Variants in DIAPH3 observed in about 807,000 individuals in gnomAD.
DIAPH3 encodes the protein protein diaphanous homolog 3.
A neutral mutation model predicts 144.3 loss-of-function variants in DIAPH3; 117 were observed. The observed-to-expected ratio is 0.81, with a 90% confidence interval of 0.70 to 0.95. The LOEUF is 0.95. Among genes scored for constraint, DIAPH3 ranks in the 40% least tolerant of loss-of-function variants. The pLI is 0.00. For missense variants in DIAPH3, 1,421 were observed against 1,412.7 expected, an observed-to-expected ratio of 1.01 and a Z score of -0.09; for synonymous variants, 519 against 488.9, an observed-to-expected ratio of 1.06 and a Z score of -0.81.
intron 7 of DIAPH3, 56 bp from the exon 8 acceptor site, chr13:60,010,725 A>T (rs1179604883): frequency 6.5e-7 from 1 of 1,543,494 alleles, no homozygotes. Context: ...GAAAAATAAT[A>T]CCCTGAAGGA....
intron 25 of DIAPH3, among the ~76,000 whole-genome samples, chr13:59,787,296 A>G (rs2039085288): frequency 6.6e-6 from 1 of 152,262 alleles, no homozygotes; most frequent in African/African-American, 2.4e-5. Context: ...TTCCAAGTGG[A>G]TCAAACATTT....
intron 9 of DIAPH3, among the ~76,000 whole-genome samples, chr13:60,000,994 GCAAGA>G (rs2052494112): frequency 2.0e-5 from 3 of 152,100 alleles, no homozygotes; most frequent in Admixed American, 2.0e-4. Flanking sequence ...TCTGTCTGTT[GCAAGA>G]CAATTCTCCC....
At chr13:59,740,502 C>G (rs768651641) in intron 27 of DIAPH3, among the ~76,000 whole-genome samples, 1 of 152,178 alleles carries the variant, frequency 6.6e-6, no homozygotes, top group Non-Finnish European at 1.5e-5. Flanking sequence ...TTTAATTAGC[C>G]TGTTTGCTGG....
intron 20 of DIAPH3, among the ~76,000 whole-genome samples, chr13:59,880,231 C>T (rs1239232703): frequency 2.6e-5 from 4 of 152,140 alleles, no homozygotes; most frequent in Non-Finnish European, 5.9e-5. Context: ...GTTATATCAA[C>T]ACACATGCAG....
intron 18 of DIAPH3, among the ~76,000 whole-genome samples, chr13:59,923,197 T>C (rs2322622): frequency 0.37 from 55,878 of 152,058 alleles, 11,105 homozygotes; most frequent in East Asian, 0.85. Context: ...AGCTGACCCA[T>C]TCAGAAAGAA....
At chr13:59,997,395 G>A (rs539329954) in intron 9 of DIAPH3, among the ~76,000 whole-genome samples, 35 of 152,124 alleles carry the variant, frequency 2.3e-4, no homozygotes, top group African/African-American at 7.7e-4. Flanking sequence ...TTTTATGGCT[G>A]AATAGTATTC....
At chr13:60,042,588 T>C in intron 5 of DIAPH3, 102 bp downstream of exon 5, 1 of 1,403,926 alleles carries the variant, frequency 7.1e-7, no homozygotes, top group Non-Finnish European at 9.9e-7. Flanking sequence ...GTTTGTACTT[T>C]GAGAAACTGT....
chr13:59,965,788 A>C (rs2050012495), intron 17 of DIAPH3, among the ~76,000 whole-genome samples: 1 of 152,136 alleles, frequency 6.6e-6, no homozygotes, highest in Admixed American at 6.5e-5. Context: ...TCAGGAATGT[A>C]AAAGCAACAT....
intron 22 of DIAPH3, among the ~76,000 whole-genome samples, chr13:59,850,754 G>A (rs371639032): frequency 9.3e-4 from 140 of 151,164 alleles, no homozygotes; most frequent in Middle Eastern, 3.4e-3. Flanking sequence ...ACACCTCTAC[G>A]CAAATAAACT....
intron 24 of DIAPH3, among the ~76,000 whole-genome samples, chr13:59,826,882 T>G (rs955933313): frequency 2.0e-5 from 3 of 151,674 alleles, no homozygotes; most frequent in Non-Finnish European, 4.4e-5. Context: ...ACGCCGCATA[T>G]CTACAACTAT....
At chr13:59,848,049 T>G (rs2042750349) in intron 22 of DIAPH3, among the ~76,000 whole-genome samples, 2 of 152,224 alleles carry the variant, frequency 1.3e-5, no homozygotes, top group African/African-American at 4.8e-5. Context: ...TTGCTGGTTC[T>G]AACCTCAAAA....
intron 5 of DIAPH3, among the ~76,000 whole-genome samples, chr13:60,035,077 T>C (rs984612299): frequency 1.3e-5 from 2 of 152,182 alleles, no homozygotes; most frequent in African/African-American, 4.8e-5. Flanking sequence ...CATGTATATA[T>C]GTACAGCATA....
intron 4 of DIAPH3, among the ~76,000 whole-genome samples, chr13:60,070,445 A>T (rs1357899135): frequency 6.8e-6 from 1 of 147,106 alleles, no homozygotes; most frequent in Non-Finnish European, 1.5e-5. Flanking sequence ...TTTAGGGTTT[A>T]AAAAAAAAAG....
intron 4 of DIAPH3, among the ~76,000 whole-genome samples, chr13:60,083,110 G>T (rs2057618147): frequency 6.6e-6 from 1 of 152,002 alleles, no homozygotes; most frequent in South Asian, 2.1e-4. Flanking sequence ...TATTCTAGAG[G>T]AGGAGCTTGA....
chr13:59,771,057 G>T (rs932242143), intron 27 of DIAPH3, among the ~76,000 whole-genome samples: 1 of 152,112 alleles, frequency 6.6e-6, no homozygotes, highest in African/African-American at 2.4e-5. Context: ...ACTGAAGTTA[G>T]AATGCTTGAG....
chr13:59,815,274 T>C lies in DIAPH3; in HGVS notation c.3028-4351A>G, dbSNP rs563054260. Among the ~76,000 whole-genome samples the C allele has an allele frequency of 3.3e-5, 5 of 152,320 alleles. No homozygotes were observed. The East Asian group carries it at 9.6e-4, about 29-fold the overall frequency. The stretch of plus-strand genomic sequence containing the variant: ...CCATGTCTCTAAGAATAATACTCTA[T>C]TTTAATTATTAAGGCTTACATCTTA... On this transcript the variant is annotated intron_variant, in intron 24 of 27. Transcript: ENST00000400324.
intron 17 of DIAPH3, among the ~76,000 whole-genome samples, chr13:59,927,228 T>A (rs899287071): frequency 6.6e-6 from 1 of 152,144 alleles, no homozygotes; most frequent in African/African-American, 2.4e-5. Flanking sequence ...GTGAAGTGAG[T>A]TATTGTAGAC....
chr13:60,056,883 T>C (rs1049455070), intron 4 of DIAPH3, among the ~76,000 whole-genome samples: 2 of 151,888 alleles, frequency 1.3e-5, no homozygotes, highest in Admixed American at 6.6e-5. Flanking sequence ...GCTAGTTGCA[T>C]AACACTGTAA....
intron 25 of DIAPH3, among the ~76,000 whole-genome samples, chr13:59,778,344 C>A (rs1437186204): frequency 6.6e-6 from 1 of 152,208 alleles, no homozygotes; most frequent in Non-Finnish European, 1.5e-5. Context: ...CACGAGCCCA[C>A]TGAGGGCAGG....
Sources: allele counts gnomAD v4.1 joint callset (sites outside exome capture counted in the v4.1 genomes callset), GRCh38; gene constraint gnomAD v4.1.1; transcripts MANE v1.5; gene names NCBI Gene and HGNC (gene_info 2026-07-23, HGNC 2026-07-21).